Variants in GK observed in about 807,000 individuals in gnomAD.
GK encodes glycerol kinase, also known as ATP:glycerol 3-phosphotransferase.
A neutral mutation model predicts 56.4 loss-of-function variants in GK; 9 were observed. The ratio of observed to expected loss-of-function variants is 0.16; its 90% CI spans 0.10 to 0.28. GK has a LOEUF of 0.28. GK is among the 10% of genes least tolerant of loss of function. GK has a pLI of 1.00. For missense variants in GK, 161 were observed against 431.4 expected, an observed-to-expected ratio of 0.37 and a Z score of 5.55; for synonymous variants, 104 against 144.1, an observed-to-expected ratio of 0.72 and a Z score of 1.99.
At chrX:30,657,926 A>G (rs937213548) in intron 1 of GK, among the ~76,000 whole-genome samples, 2 of 112,501 alleles carry the variant, frequency 1.8e-5, no homozygotes, top group African/African-American at 6.5e-5. Flanking sequence ...TGCAATCTAT[A>G]AAAAATATTG....
intron 1 of GK, among the ~76,000 whole-genome samples, chrX:30,654,441 G>A (rs1163226033): frequency 8.9e-6 from 1 of 112,504 alleles, no homozygotes; most frequent in African/African-American, 3.2e-5. Flanking sequence ...AGTTCAGTAA[G>A]ATAATTTAAA....
chrX:30,684,027 G>T (rs760863018), intron 4 of GK, among the ~76,000 whole-genome samples: 1 of 105,115 alleles, frequency 9.5e-6, no homozygotes, highest in African/African-American at 3.5e-5. Context: ...CCTTCCAAAA[G>T]CAGCTTTTAT....
chrX:30,703,585 A>G (rs1265902548), intron 11 of GK, among the ~76,000 whole-genome samples: 1 of 111,931 alleles, frequency 8.9e-6, no homozygotes, highest in African/African-American at 3.2e-5. Context: ...GAGTGGAAGA[A>G]TTTCTGTTCA....
chrX:30,664,702 C>CTTTTT (rs35313243), intron 1 of GK, among the ~76,000 whole-genome samples: 5 of 57,672 alleles, frequency 8.7e-5, no homozygotes, highest in Admixed American at 2.6e-4. Flanking sequence ...ACTCTATTGC[C>CTTTTT]TTTTTTTTTT....
rs188383722 is a variant in GK, at chrX:30,717,476, A to C, written c.976-1062A>C. On this transcript the variant is annotated intron_variant, in intron 13 of 20. Transcript: ENST00000427190. ...TGTCACCACCCCAAAAAGAAACCCC[A>C]TAACCACCCCCTATCCCCCAGCCCA... 8.2e-3 allele frequency among the ~76,000 whole-genome samples: 908 copies of C among 110,869 alleles called. 7 individuals carry two copies. The highest frequency in any genetic ancestry group is 0.028 in the African/African-American group (862 of 30,524).
chrX:30,702,502 T>C (rs1935742526), intron 11 of GK, among the ~76,000 whole-genome samples: 2 of 112,793 alleles, frequency 1.8e-5, no homozygotes, highest in African/African-American at 6.4e-5. Flanking sequence ...TTTAAACACA[T>C]GATATCATTT....
chrX:30,655,467 A>G (rs1344444508), intron 1 of GK, among the ~76,000 whole-genome samples: 2 of 112,110 alleles, frequency 1.8e-5, no homozygotes, highest in Non-Finnish European at 3.8e-5. Context: ...GCAGGAACAC[A>G]AGCCCAGTGC....
chrX:30,707,988 A>T, intron 12 of GK, 66 bp from the exon 13 acceptor site: 2 of 673,757 alleles, frequency 3.0e-6, no homozygotes, highest in Non-Finnish European at 4.7e-6. Context: ...TTTAACTTTA[A>T]AAAAAAGTTC....
chrX:30,691,069 T>C, intron 4 of GK, 54 bp from the exon 5 acceptor site: 1 of 677,231 alleles, frequency 1.5e-6, no homozygotes. Context: ...TTTCAGTAAG[T>C]TCTTATTTTT....
intron 3 of GK, among the ~76,000 whole-genome samples, chrX:30,670,413 G>C (rs749290752): frequency 2.7e-5 from 3 of 111,076 alleles, no homozygotes; most frequent in East Asian, 5.6e-4. Context: ...CAAGTGATTT[G>C]TCTTCCGTTT....
At chrX:30,699,971 T>C (rs750258075) in intron 9 of GK, 1 of 116,087 alleles carries the variant, frequency 8.6e-6, no homozygotes, top group African/African-American at 3.2e-5. Flanking sequence ...CCTTGCAAAA[T>C]AAATGTGTTT....
At chrX:30,669,746 C>A (rs1488372722) in intron 3 of GK, among the ~76,000 whole-genome samples, 1 of 110,717 alleles carries the variant, frequency 9.0e-6, no homozygotes, top group Admixed American at 9.7e-5. Flanking sequence ...TTGATACTTA[C>A]CATCGCTCCT....
chrX:30,677,018 G>A (rs917214433), intron 3 of GK, among the ~76,000 whole-genome samples: 1 of 111,665 alleles, frequency 9.0e-6, no homozygotes. Flanking sequence ...ACAAATGAAT[G>A]AGTTGATTAT....
intron 5 of GK, among the ~76,000 whole-genome samples, chrX:30,693,011 CT>C (rs1184645786): frequency 0.034 from 1,941 of 56,546 alleles, 5 homozygotes; most frequent in African/African-American, 0.045. Context: ...TTTTTCTTTT[CT>C]TTTTTTTTTT....
intron 10 of GK, among the ~76,000 whole-genome samples, 179 bp from the exon 11 acceptor site, chrX:30,700,659 A>G (rs1161822611): frequency 8.9e-6 from 1 of 112,292 alleles, no homozygotes; most frequent in Admixed American, 9.5e-5. Flanking sequence ...CATACCTATT[A>G]TCTTACATAT....
intron 11 of GK, among the ~76,000 whole-genome samples, chrX:30,703,781 C>G (rs146870271): frequency 0.047 from 5,137 of 109,715 alleles, 132 homozygotes; most frequent in Non-Finnish European, 0.067. Flanking sequence ...GCCATCATGG[C>G]AGAACCCTGT....
chrX:30,680,810 G>A (rs891118022), intron 4 of GK, among the ~76,000 whole-genome samples: 1 of 111,603 alleles, frequency 9.0e-6, no homozygotes, highest in Non-Finnish European at 1.9e-5. Flanking sequence ...GCTGCCAAGG[G>A]TGGGGATGAG....
intron 19 of GK, among the ~76,000 whole-genome samples, chrX:30,726,644 G>T (rs767583353): frequency 1.8e-5 from 2 of 111,533 alleles, no homozygotes; most frequent in South Asian, 7.5e-4. Context: ...TATTTTGGGG[G>T]TCTCTAAGCT....
chrX:30,700,380 G>A (rs1935584606), intron 9 of GK, 34 bp from the exon 10 acceptor site: 1 of 1,146,878 alleles, frequency 8.7e-7, no homozygotes, highest in South Asian at 1.8e-5. Flanking sequence ...AAAATTTTGT[G>A]ACTATTCATA....
Sources: gnomAD v4.1 joint callset for allele counts (sites outside exome capture counted in the v4.1 genomes callset) on GRCh38, gnomAD v4.1.1 for gene constraint, MANE v1.5 for transcripts, NCBI Gene and HGNC (gene_info 2026-07-23, HGNC 2026-07-21) for gene names.